The following CD28 variants were observed in gnomAD, a reference collection of about 807,000 sequenced individuals.
CD28 encodes CD28 molecule.
In CD28, 8 loss-of-function variants were observed where a neutral mutation model predicts 21.4. The observed-to-expected ratio is 0.37, with a 90% CI of 0.22 to 0.68. The LOEUF is 0.68. CD28 is among the 30% of genes least tolerant of loss of function. CD28 has a pLI of 0.55. For synonymous variants in CD28, 106 were observed against 104.0 expected (o/e 1.02, Z -0.12); for missense variants, 239 against 272.2 (o/e 0.88, Z 0.86).
chr2:203,734,257 A>G (rs566393615), intron 3 of CD28, among the ~76,000 whole-genome samples: 19 of 152,332 alleles, frequency 1.2e-4, no homozygotes, highest in African/African-American at 4.6e-4. Flanking sequence ...TGAGTGTAGA[A>G]ATACATACCC....
In CD28 at chr2:203,729,681, G is replaced by C; in HGVS notation, c.443G>C (p.Gly148Ala). The C allele has an allele frequency of 6.2e-7, 1 of 1,614,086 alleles. No homozygotes were observed. Among genetic ancestry groups the C allele is most frequent in the Non-Finnish European group, 8.5e-7 (1 of 1,179,970 alleles). Residue 148 changes from glycine to alanine, a missense_variant, in exon 3 of 4, where the codon GGA becomes GCA. Gly to Ala is a moderately conservative substitution (Grantham distance 60, BLOSUM62 0). This residue lies in a region of CD28 where 112 missense variants were observed against 112.8 expected (regional missense o/e 0.99). Coordinates refer to ENST00000324106, the MANE Select transcript of CD28 (RefSeq NM_006139.4). ...KHLCPSPLFPGPSKPFWVLVV... is the reference protein window; with the variant it reads ...KHLCPSPLFPAPSKPFWVLVV... ...CTTTGTCCAAGTCCCCTATTTCCCG[G>C]ACCTTCTAAGCCCTTTTGGGTGCTG...
chr2:203,734,079 C>T (rs1693963865), intron 3 of CD28, among the ~76,000 whole-genome samples: 1 of 152,160 alleles, frequency 6.6e-6, no homozygotes, highest in Admixed American at 6.5e-5. Context: ...TTTTCTGGGT[C>T]ATTTGTTAAG....
chr2:203,727,616 A>C (rs1693788038), intron 2 of CD28, among the ~76,000 whole-genome samples: 2 of 59,900 alleles, frequency 3.3e-5, no homozygotes, highest in Admixed American at 3.0e-4. Context: ...ATCAGCTGGG[A>C]CTACAGGGCC....
At chr2:203,721,662 C>T (rs1693609167) in intron 1 of CD28, among the ~76,000 whole-genome samples, 1 of 152,124 alleles carries the variant, frequency 6.6e-6, no homozygotes, top group South Asian at 2.1e-4. Context: ...GGACTCAGGT[C>T]AGCCGTCATC....
chr2:203,717,681 T>G (rs1446607186), intron 1 of CD28, among the ~76,000 whole-genome samples: 2 of 152,190 alleles, frequency 1.3e-5, no homozygotes, highest in Non-Finnish European at 2.9e-5. Flanking sequence ...AAAACAGTAT[T>G]TGTGGGATGC....
intron 1 of CD28, among the ~76,000 whole-genome samples, chr2:203,721,935 CCT>C (rs1284578467): frequency 1.7e-4 from 26 of 152,068 alleles, no homozygotes; most frequent in Admixed American, 1.6e-3. Context: ...TTTCTTCCTT[CCT>C]CTCTCTCCCT....
chr2:203,708,338 AG>A (rs1693216836), intron 1 of CD28, among the ~76,000 whole-genome samples: 1 of 152,244 alleles, frequency 6.6e-6, no homozygotes, highest in Non-Finnish European at 1.5e-5. Context: ...ATATTCTACA[AG>A]AATCTTTAAC....
At chr2:203,723,762 G>C (rs1437179921) in intron 1 of CD28, among the ~76,000 whole-genome samples, 5 of 152,178 alleles carry the variant, frequency 3.3e-5, no homozygotes, top group Admixed American at 3.3e-4. Flanking sequence ...CAAGGGTGAG[G>C]ATAAATTGGA....
In CD28 at chr2:203,738,028, A is replaced by C. The variant is rs184491528; in HGVS notation, c.*3116A>C. ...AGCTAGACTTTCAAATACTAATTTC[A>C]CTTCAAGCAGGGTACGTTTCTGGTT... On this transcript the variant is annotated 3_prime_UTR_variant, in exon 4 of 4. Transcript: ENST00000324106. 2.5e-3 allele frequency: 376 copies of C among 152,270 alleles called. 3 individuals are homozygous for C. Among genetic ancestry groups the C allele is most frequent in the African/African-American group, 8.9e-3 (369 of 41,546 alleles). 9.4% of individuals were successfully genotyped at this position (152,270 alleles called of 1,614,324 possible). A position where few individuals can be genotyped will look rare whatever the true frequency, so the allele number is the denominator to read the frequency against.
chr2:203,709,044 C>T (rs1332782232), intron 1 of CD28, among the ~76,000 whole-genome samples: 2 of 152,036 alleles, frequency 1.3e-5, no homozygotes, highest in Non-Finnish European at 2.9e-5. Context: ...ATTGCTTAAA[C>T]CCGGGACGCG....
intron 1 of CD28, among the ~76,000 whole-genome samples, chr2:203,721,516 C>T (rs1425227174): frequency 6.6e-6 from 1 of 152,082 alleles, no homozygotes; most frequent in Non-Finnish European, 1.5e-5. Context: ...TTATCCTCCC[C>T]ACAGTCCCCT....
At chr2:203,715,637 T>C (rs924444881) in intron 1 of CD28, among the ~76,000 whole-genome samples, 3 of 152,182 alleles carry the variant, frequency 2.0e-5, no homozygotes, top group African/African-American at 7.2e-5. Context: ...TCCTAATACA[T>C]ATGAACTTCC....
intron 1 of CD28, among the ~76,000 whole-genome samples, chr2:203,719,349 T>A (rs941494160): frequency 3.3e-5 from 5 of 152,198 alleles, no homozygotes; most frequent in Non-Finnish European, 7.4e-5. Flanking sequence ...AAGACTCTAA[T>A]AAAATAGTGG....
intron 1 of CD28, among the ~76,000 whole-genome samples, chr2:203,722,318 A>T (rs1439272697): frequency 2.6e-5 from 4 of 152,224 alleles, no homozygotes. Context: ...AAGGAAACAA[A>T]CAAAATAAAT....
Position 203,737,365 on chromosome 2 carries a change from A to G in CD28, c.*2453A>G, listed in dbSNP as rs530593251. 6.6e-6 allele frequency: 1 copy of G among 152,380 alleles called. No individual in the cohort carries two copies. Among genetic ancestry groups the G allele is most frequent in the African/African-American group, 2.4e-5 (1 of 41,590 alleles). 9.4% of individuals were successfully genotyped at this position (152,380 alleles called of 1,614,324 possible). A position where few individuals can be genotyped will look rare whatever the true frequency, so the allele number is the denominator to read the frequency against. ...ACAGAGTTCTTCAATCCAAGTTATC[A>G]GATTGTATTTGAAAATGACAGAGCT... On this transcript the variant is annotated 3_prime_UTR_variant, in exon 4 of 4. Transcript: ENST00000324106.
chr2:203,708,135 A>C (rs551370879), intron 1 of CD28, among the ~76,000 whole-genome samples: 2 of 152,298 alleles, frequency 1.3e-5, no homozygotes, highest in African/African-American at 4.8e-5. Flanking sequence ...TTATTCTTAA[A>C]CATTAAGTGT....
intron 1 of CD28, among the ~76,000 whole-genome samples, chr2:203,722,808 G>A (rs1233313600): frequency 7.9e-5 from 12 of 152,236 alleles, no homozygotes; most frequent in Admixed American, 7.9e-4. Context: ...ACAAGGCATG[G>A]AGGTAGGAAT....
intron 1 of CD28, among the ~76,000 whole-genome samples, chr2:203,713,615 A>G (rs968929782): frequency 2.0e-5 from 3 of 152,190 alleles, no homozygotes; most frequent in Admixed American, 6.5e-5. Context: ...AGGCAGAGAC[A>G]TGGAGAAGGA....
chr2:203,726,827 G>T lies in CD28; in HGVS notation c.247G>T (p.Gly83Trp). ...GCAGCTTCAGGTTTACTCAAAAACGGGGTTCAACTGTGATGGGAAATTGGG... is the reference window on the plus strand; with the variant it reads ...GCAGCTTCAGGTTTACTCAAAAACGTGGTTCAACTGTGATGGGAAATTGGG... ...SQQLQVYSKT[G>W]FNCDGKLGNE... Residue 83 changes from glycine (G) to tryptophan (W), a missense_variant, in exon 2 of 4, where the codon GGG becomes TGG. This residue lies in a region of CD28 where 104 missense variants were observed against 108.5 expected (regional missense o/e 0.96). Coordinates refer to ENST00000324106, the MANE Select transcript of CD28 (RefSeq NM_006139.4). 1 of 1,614,144 alleles carries T rather than the reference G, an allele frequency of 6.2e-7. No individual in the cohort carries two copies. Among genetic ancestry groups the T allele is most frequent in the Non-Finnish European group, 8.5e-7 (1 of 1,180,020 alleles).
Sources: allele counts gnomAD v4.1 joint callset (sites outside exome capture counted in the v4.1 genomes callset), GRCh38; gene constraint gnomAD v4.1.1; regional missense constraint gnomAD v4.1.1; transcripts MANE v1.5; gene names NCBI Gene and HGNC (gene_info 2026-07-23, HGNC 2026-07-21).